Variants in KIF5A observed in about 807,000 individuals in gnomAD.
The protein encoded by KIF5A is kinesin family member 5A.
A neutral mutation model predicts 141.3 loss-of-function variants in KIF5A; 35 were observed. That is an observed-to-expected ratio of 0.25 (90% CI 0.19 to 0.33). The LOEUF (loss-of-function observed/expected upper bound fraction) is 0.33, where lower values mean the gene tolerates loss of function less well. KIF5A is among the 10% of genes least tolerant of loss of function. The pLI, the probability that KIF5A is intolerant of heterozygous loss-of-function variation, is 1.00. For missense variants in KIF5A, 861 were observed against 1,314.3 expected, an observed-to-expected ratio of 0.66 and a Z score of 5.33; for synonymous variants, 448 against 500.2, an observed-to-expected ratio of 0.90 and a Z score of 1.39.
rs1881539675 is a variant in KIF5A, at chr12:57,550,555, G to A, written c.129+155G>A. Among the ~76,000 whole-genome samples the A allele has an allele frequency of 6.6e-6, 1 of 152,160 alleles. No individual in the cohort carries two copies. The highest frequency in any genetic ancestry group is 6.5e-5 in the Admixed American group (1 of 15,288). Reference sequence around the variant, plus strand: ...GCAGCCCCTCCTCTCCCCTGCATCAGGATGGCTGGGTGTGGCCTGGCCAGG... The same window carrying A: ...GCAGCCCCTCCTCTCCCCTGCATCAAGATGGCTGGGTGTGGCCTGGCCAGG... On this transcript the variant is annotated intron_variant, in intron 1 of 28. Coordinates refer to ENST00000455537, the MANE Select transcript of KIF5A (RefSeq NM_004984.4). This position sits in a 1 kb window ranked among gnomAD's most constrained non-coding sequence, Gnocchi z 4.6.
intron 10 of KIF5A, 29 bp from the exon 11 acceptor site, chr12:57,569,506 A>G (rs749941563): frequency 6.2e-7 from 1 of 1,613,956 alleles, no homozygotes; most frequent in Non-Finnish European, 8.5e-7. Context: ...TGTTGCTCTC[A>G]TTTCTTTGTT....
chr12:57,582,736 GA>G, intron 27 of KIF5A, 107 bp downstream of exon 27: 1 of 905,732 alleles, frequency 1.1e-6, no homozygotes, highest in Non-Finnish European at 1.9e-6. Flanking sequence ...GGGGAAGGGG[GA>G]GGGAGTGAGA....
rs894996728 is a variant in KIF5A at position 57,583,164 on chromosome 12, G to C, written c.3084G>C (p.Glu1028Asp). Residue 1028 changes from glutamate (E) to aspartate (D), a missense_variant, in exon 28 of 29, where the codon GAG becomes GAC. Glu to Asp is a conservative substitution (Grantham distance 45). Transcript: ENST00000455537. ...CCAAGCTTTTCCCTCTCCACCAAGA[G>C]ACAGCAGCCAGCTAATCTCCCACAC... ...DQAKLFPLHQ[E>D]TAAS 1 of 1,613,960 alleles carries C rather than the reference G, an allele frequency of 6.2e-7. No individual in the cohort carries two copies. Among genetic ancestry groups the C allele is most frequent in the East Asian group, 2.2e-5 (1 of 44,880 alleles).
Position 57,585,651 on chromosome 12 carries a change from C to T in KIF5A, c.*1470C>T, listed in dbSNP as rs1386627349. The T allele has an allele frequency of 6.6e-6, 1 of 152,666 alleles. No individual in the cohort carries two copies. The allele number at this position is 152,666 out of a possible 1,614,324, so 9.5% of individuals were successfully genotyped here. On this transcript the variant is annotated 3_prime_UTR_variant, in exon 29 of 29. Transcript: ENST00000455537. ...AGCGGCAGGGCAGCCTATCACCCAACTTCTAAGTCAGGAAAGGAAGCTGAG... is the reference window on the plus strand; with the variant it reads ...AGCGGCAGGGCAGCCTATCACCCAATTTCTAAGTCAGGAAAGGAAGCTGAG...
chr12:57,582,052 C>A lies in KIF5A; in HGVS notation c.2992+100C>A, dbSNP rs111792924. On this transcript the variant is annotated intron_variant, in intron 26 of 28. Transcript: ENST00000455537. ...TAGTGTACAAAAAACACTGACTGAA[C>A]CTTTCTGGTGTGCCAAGGCTTCAAA... The A allele has an allele frequency of 0.023, 22,677 of 970,054 alleles. 399 individuals are homozygous for A. Among genetic ancestry groups the A allele is most frequent in the Non-Finnish European group, 0.031 (18,598 of 605,454 alleles). The allele number at this position is 970,054 out of a possible 1,614,324, so 60.1% of individuals were successfully genotyped here.
intron 1 of KIF5A, among the ~76,000 whole-genome samples, chr12:57,558,598 C>T (rs982846856): frequency 1.3e-5 from 2 of 152,102 alleles, no homozygotes; most frequent in African/African-American, 4.8e-5. Context: ...TGCTTGAGCC[C>T]GGGAGGCAGA....
chr12:57,578,211 C>T (rs746393035), intron 22 of KIF5A, 27 bp from the exon 23 acceptor site: 2 of 1,603,254 alleles, frequency 1.2e-6, no homozygotes, highest in Non-Finnish European at 8.5e-7. Context: ...TCAGGACAGC[C>T]ACGTCTTTCC....
Position 57,576,869 on chromosome 12 carries a change from G to C in KIF5A, c.2300+7G>C. ...CCAAGCTGCAGGAGCTGACGTGAGT[G>C]GCATGGATTTACCTGTAAAACTACA... On this transcript the variant is annotated splice_region_variant and intron_variant, in intron 20 of 28. Transcript: ENST00000455537. 6.2e-7 allele frequency: 1 copy of C among 1,606,792 alleles called. No homozygotes were observed. Among genetic ancestry groups the C allele is most frequent in the Non-Finnish European group, 8.5e-7 (1 of 1,173,714 alleles).
Position 57,550,410 on chromosome 12 carries a change from G to C in KIF5A, c.129+10G>C. 1 of 1,613,796 alleles carries C rather than the reference G, an allele frequency of 6.2e-7. No homozygotes were observed. The highest frequency in any genetic ancestry group is 8.5e-7 in the Non-Finnish European group (1 of 1,179,858). On this transcript the variant is annotated intron_variant, in intron 1 of 28. Coordinates refer to ENST00000455537, the MANE Select transcript of KIF5A (RefSeq NM_004984.4). The surrounding 1 kb of genome is among the most constrained non-coding windows in gnomAD (Gnocchi z 4.6). ...CAGCGTCGTTATTGGGGTGAGTGTCGCCCAGGAGGGAATTCGGGGAGGGGG... is the reference window on the plus strand; with the variant it reads ...CAGCGTCGTTATTGGGGTGAGTGTCCCCCAGGAGGGAATTCGGGGAGGGGG...
At position 57,563,452 on chromosome 12, in the gene KIF5A, T is replaced by A; in HGVS notation, c.143T>A (p.Val48Asp). ...DSVVIGGKPY[V>D]FDRVFPPNTT... is the part of the protein sequence containing the mutation. ...TTTTCATTCCAGGGGAAGCCATATG[T>A]TTTTGACCGTGTATTCCCCCCAAAC... The change falls in exon 2 of 29, where the codon GTT (valine) becomes GAT (aspartate). Residue 48 changes from valine (V) to aspartate (D), a missense_variant. Transcript: ENST00000455537. 1.2e-6 allele frequency: 2 copies of A among 1,612,640 alleles called. No homozygotes were observed. The highest frequency in any genetic ancestry group is 1.7e-6 in the Non-Finnish European group (2 of 1,178,632).
chr12:57,558,413 C>T (rs533164173), intron 1 of KIF5A, among the ~76,000 whole-genome samples: 4 of 151,120 alleles, frequency 2.6e-5, no homozygotes, highest in East Asian at 2.1e-4. Context: ...CGGTGGCTTA[C>T]GCCTGTAATC....
At position 57,572,839 on chromosome 12, in the gene KIF5A, A is replaced by G. The variant is rs1240007151; in HGVS notation, c.1716+113A>G. 3.9e-6 allele frequency: 5 copies of G among 1,288,962 alleles called. No individual in the cohort carries two copies. In the East Asian group the frequency reaches 1.2e-4, roughly 30 times the overall value. 79.8% of individuals were successfully genotyped at this position (1,288,962 alleles called of 1,614,324 possible). A position where few individuals can be genotyped will look rare whatever the true frequency, so the allele number is the denominator to read the frequency against. Reference sequence around the variant, plus strand: ...AAAGGCAGCCAGAGAGCCAGGAAACATGCCTTTGAACTAGACCCAGGAAGA... The same window carrying G: ...AAAGGCAGCCAGAGAGCCAGGAAACGTGCCTTTGAACTAGACCCAGGAAGA... On this transcript the variant is annotated intron_variant, in intron 15 of 28. Coordinates refer to ENST00000455537, the MANE Select transcript of KIF5A (RefSeq NM_004984.4). The surrounding 1 kb of genome is among the most constrained non-coding windows in gnomAD (Gnocchi z 4.2).
In KIF5A at chr12:57,578,270, G is replaced by C. The variant is rs759472256; in HGVS notation, c.2466G>C (p.Gly822=). The change falls in exon 23 of 29, where the codon GGG becomes GGC. Residue 822 remains glycine (G), a synonymous_variant. Transcript: ENST00000455537. The part of the protein sequence containing the change: ...SAEMEPEDSG[G]IHSQKQKISF... Reference sequence around the variant, plus strand: ...AAATGGAGCCCGAAGACAGTGGGGGGATTCACTCCCAAAAGCAGAAGATTT... The same window carrying C: ...AAATGGAGCCCGAAGACAGTGGGGGCATTCACTCCCAAAAGCAGAAGATTT... 2.5e-6 allele frequency: 4 copies of C among 1,614,028 alleles called. No individual in the cohort carries two copies. The highest frequency in any genetic ancestry group is 3.4e-6 in the Non-Finnish European group (4 of 1,179,920).
intron 15 of KIF5A, among the ~76,000 whole-genome samples, chr12:57,573,828 CA>C (rs556161029): frequency 0.081 from 5,278 of 65,210 alleles, 245 homozygotes; most frequent in African/African-American, 0.21. Context: ...AACTCCGTCT[CA>C]AAAAAAAAAA....
intron 27 of KIF5A, 187 bp from the exon 28 acceptor site, chr12:57,582,914 T>G: frequency 1.5e-6 from 1 of 664,422 alleles, no homozygotes; most frequent in Non-Finnish European, 2.7e-6. Flanking sequence ...CTCCTACCTT[T>G]GGAAGCCTTG....
intron 1 of KIF5A, among the ~76,000 whole-genome samples, chr12:57,554,854 A>C (rs1258286588): frequency 6.6e-6 from 1 of 152,090 alleles, no homozygotes; most frequent in Non-Finnish European, 1.5e-5. Flanking sequence ...GCGATAACTC[A>C]CTCATTACCA....
intron 13 of KIF5A, among the ~76,000 whole-genome samples, chr12:57,571,627 T>C (rs909164685): frequency 6.6e-6 from 1 of 151,728 alleles, no homozygotes; most frequent in African/African-American, 2.4e-5. Context: ...TGGAATGCAG[T>C]GGGGCAATCT....
intron 11 of KIF5A, 128 bp from the exon 12 acceptor site, chr12:57,569,859 C>G: frequency 7.3e-7 from 1 of 1,374,132 alleles, no homozygotes; most frequent in South Asian, 1.4e-5. Flanking sequence ...CTACCTACCT[C>G]CCATACTCCC....
chr12:57,566,600 G>C (rs1276332676), intron 6 of KIF5A, among the ~76,000 whole-genome samples: 1 of 151,456 alleles, frequency 6.6e-6, no homozygotes, highest in Non-Finnish European at 1.5e-5. Flanking sequence ...AGTGGAGATG[G>C]GATTTTGCCA....
Sources: allele counts gnomAD v4.1 joint callset (sites outside exome capture counted in the v4.1 genomes callset), GRCh38; gene constraint gnomAD v4.1.1; non-coding constraint Gnocchi (gnomAD v3.1); transcripts MANE v1.5; gene names NCBI Gene and HGNC (gene_info 2026-07-23, HGNC 2026-07-21).